The following CLN6 variants were observed in gnomAD, a reference collection of about 807,000 sequenced individuals.
CLN6 encodes the protein ceroid-lipofuscinosis neuronal protein 6.
CLN6 carries 22 observed loss-of-function variants against 33.3 expected under a neutral mutation model. The observed-to-expected ratio is 0.66, with a 90% CI of 0.47 to 0.94. The LOEUF is 0.94. CLN6 is among the 40% of genes least tolerant of loss of function. The pLI is 0.00. For synonymous variants in CLN6, 201 were observed against 174.6 expected, an observed-to-expected ratio of 1.15 and a Z score of -1.19; for missense variants, 387 against 417.1, an observed-to-expected ratio of 0.93 and a Z score of 0.63.
upstream of CLN6, among the ~76,000 whole-genome samples, chr15:68,231,507 A>T (rs2093268599): frequency 6.6e-6 from 1 of 152,228 alleles, no homozygotes; most frequent in African/African-American, 2.4e-5. Context: ...ACCAGAGAAG[A>T]AGGATTGAGG....
At position 68,247,147 on chromosome 15, in the gene CLN6, G is replaced by A. The variant is rs1431198028; in HGVS notation, c.179+9543C>T. Among the ~76,000 whole-genome samples, 3 of 152,026 alleles carry A rather than the reference G, an allele frequency of 2.0e-5. No homozygotes were observed. The highest frequency in any genetic ancestry group is 2.9e-5 in the Non-Finnish European group (2 of 68,020). Reference sequence around the variant, plus strand: ...CTCCACTTTTATTCAACATAGTATTGGAAGTCCTGTCCATAGCAATTAGGC... The same window carrying A: ...CTCCACTTTTATTCAACATAGTATTAGAAGTCCTGTCCATAGCAATTAGGC... On this transcript the variant is annotated intron_variant, in intron 1 of 6. Coordinates refer to the CLN6 transcript ENST00000538696. The surrounding 1 kb of genome is among the most constrained non-coding windows in gnomAD (Gnocchi z 4.2).
chr15:68,239,894 T>C lies in CLN6; in HGVS notation c.179+16796A>G, dbSNP rs565947844. Among the ~76,000 whole-genome samples the C allele has an allele frequency of 3.3e-5, 5 of 152,350 alleles. No individual in the cohort carries two copies. The East Asian group carries it at 9.6e-4, about 29-fold the overall frequency. ...AAGAATCTGATTTACATAAACCACATTTTATAATCCACAATCATAGATTTA... is the reference window on the plus strand; with the variant it reads ...AAGAATCTGATTTACATAAACCACACTTTATAATCCACAATCATAGATTTA... On this transcript the variant is annotated intron_variant, in intron 1 of 6. Coordinates refer to the CLN6 transcript ENST00000538696.
chr15:68,220,142 A>T lies in CLN6; in HGVS notation c.84-1492T>A, dbSNP rs1426256272. Among the ~76,000 whole-genome samples the T allele has an allele frequency of 6.6e-6, 1 of 152,090 alleles. No individual in the cohort carries two copies. Among genetic ancestry groups the T allele is most frequent in the Admixed American group, 6.5e-5 (1 of 15,268 alleles). On this transcript the variant is annotated intron_variant, in intron 1 of 6. Transcript: ENST00000249806. The surrounding 1 kb of genome is among the most constrained non-coding windows in gnomAD (Gnocchi z 4.2). ...GAGGCAAGCTCTTGGGAGAAATCTC[A>T]TTTTCTAGTGGCAGGCAAGACAGGT...
chr15:68,229,485 C>T lies in CLN6; in HGVS notation c.83+17G>A. 6.8e-7 allele frequency: 1 copy of T among 1,460,308 alleles called. No homozygotes were observed. Among genetic ancestry groups the T allele is most frequent in the Non-Finnish European group, 9.0e-7 (1 of 1,110,308 alleles). The allele number at this position is 1,460,308 out of a possible 1,614,324, so 90.5% of individuals were successfully genotyped here. ...CACAGGCGCCTAGCCCGCCCTCTCA[C>T]CCCGGCGCGCGCCCACCTGGCCTGC... On this transcript the variant is annotated intron_variant, in intron 1 of 6. Coordinates refer to ENST00000249806, the MANE Select transcript of CLN6 (RefSeq NM_017882.3).
intron 1 of CLN6, among the ~76,000 whole-genome samples, chr15:68,239,489 T>A (rs1360523249): frequency 6.6e-6 from 1 of 152,120 alleles, no homozygotes; most frequent in Non-Finnish European, 1.5e-5. Flanking sequence ...ATATTGTCAT[T>A]TGACAAAATA....
exon 1 of CLN6, chr15:68,257,059 G>A: frequency 2.2e-6 from 1 of 453,868 alleles, no homozygotes; most frequent in Non-Finnish European, 3.9e-6. Flanking sequence ...GGTGCCATGC[G>A]GTTGGGCCGC....
rs1387523698 is a variant in CLN6 at position 68,247,121 on chromosome 15, C to T, written c.179+9569G>A. ...CTCTGGAACAAAACAAGGATGCCCACCTCCACTTTTATTCAACATAGTATT... is the reference window on the plus strand; with the variant it reads ...CTCTGGAACAAAACAAGGATGCCCATCTCCACTTTTATTCAACATAGTATT... On this transcript the variant is annotated intron_variant, in intron 1 of 6. Transcript: ENST00000538696. This position sits in a 1 kb window ranked among gnomAD's most constrained non-coding sequence, Gnocchi z 4.2. 6.6e-6 allele frequency among the ~76,000 whole-genome samples: 1 copy of T among 152,024 alleles called. No homozygotes were observed. Among genetic ancestry groups the T allele is most frequent in the Non-Finnish European group, 1.5e-5 (1 of 68,024 alleles).
Position 68,218,542 on chromosome 15 carries a change from A to G in CLN6, c.192T>C (p.Ile64=). 6.2e-7 allele frequency: 1 copy of G among 1,611,740 alleles called. No homozygotes were observed. Among genetic ancestry groups the G allele is most frequent in the Non-Finnish European group, 8.5e-7 (1 of 1,177,914 alleles). ...TGCACCATTTCACACTCACCATGGC[A>G]ATGGGACGCCCAAAGTCCAGAACCC... ...QNWVLDFGRP[I]AMLVFPLEWF... Residue 64 remains isoleucine, a synonymous_variant, in exon 2 of 7, where the codon ATT becomes ATC. Transcript: ENST00000249806.
In CLN6 at chr15:68,209,738, G is replaced by T. The variant is rs371326037; in HGVS notation, c.564C>A (p.Ile188=). ...AGCAGCCGCTGAAGTACATGAAGAGGATGAGGAAGAAGGGGATGTACCTGT... is the reference window on the plus strand; with the variant it reads ...AGCAGCCGCTGAAGTACATGAAGAGTATGAGGAAGAAGGGGATGTACCTGT... ...HCMWYIPFFL[I]LFMYFSGCFT... The change falls in exon 6 of 7, where the codon ATC becomes ATA. Residue 188 remains isoleucine (I), a synonymous_variant. Coordinates refer to ENST00000249806, the MANE Select transcript of CLN6 (RefSeq NM_017882.3). The surrounding 1 kb of genome is among the most constrained non-coding windows in gnomAD (Gnocchi z 4.9). 6.5e-5 allele frequency: 105 copies of T among 1,613,584 alleles called. No homozygotes were observed. Among genetic ancestry groups the T allele is most frequent in the Non-Finnish European group, 8.6e-5 (101 of 1,179,942 alleles).
At position 68,211,328 on chromosome 15, in the gene CLN6, G is replaced by A. The variant is rs778284215; in HGVS notation, c.487-10C>T. On this transcript the variant is annotated splice_polypyrimidine_tract_variant and intron_variant, in intron 4 of 6. Transcript: ENST00000249806. The surrounding 1 kb of genome is among the most constrained non-coding windows in gnomAD (Gnocchi z 5.9). ...GCTCAAAGGAGTCGATCTGAGGGAG[G>A]AACGGGCAGGGCAGAGTCGGGGGAT... is the stretch of plus-strand genomic sequence containing the variant. 6.2e-7 allele frequency: 1 copy of A among 1,613,888 alleles called. No individual in the cohort carries two copies. The highest frequency in any genetic ancestry group is 8.5e-7 in the Non-Finnish European group (1 of 1,179,968).
At chr15:68,255,820 G>T (rs1392413209) in intron 1 of CLN6, among the ~76,000 whole-genome samples, 1 of 152,102 alleles carries the variant, frequency 6.6e-6, no homozygotes, top group Non-Finnish European at 1.5e-5. Context: ...TGGAGTCAGG[G>T]TCTCCCTCTG....
chr15:68,208,094 G>GGGGCCCCCCCCCCCCCCCC lies in CLN6; in HGVS notation c.*45_*46insGGGGGGGGGGGGGGGGCCC. 1 of 1,375,276 alleles carries GGGGCCCCCCCCCCCCCCCC rather than the reference G, an allele frequency of 7.3e-7. No individual in the cohort carries two copies. The highest frequency in any genetic ancestry group is 1.0e-6 in the Non-Finnish European group (1 of 992,022). 85.2% of individuals were successfully genotyped at this position (1,375,276 alleles called of 1,614,324 possible). A position where few individuals can be genotyped will look rare whatever the true frequency, so the allele number is the denominator to read the frequency against. On this transcript the variant is annotated 3_prime_UTR_variant, in exon 7 of 7. Coordinates refer to ENST00000249806, the MANE Select transcript of CLN6 (RefSeq NM_017882.3). This position sits in a 1 kb window ranked among gnomAD's most constrained non-coding sequence, Gnocchi z 5.8. ...CTCCTGTATTCAGATGCCCTCCATG[G>GGGGCCCCCCCCCCCCCCCC]CCCACCCTCCCACCCAGCAGAGCGC...
intron 1 of CLN6, among the ~76,000 whole-genome samples, chr15:68,223,617 G>A (rs578067124): frequency 2.2e-4 from 33 of 152,240 alleles, no homozygotes; most frequent in African/African-American, 6.7e-4. Flanking sequence ...ACTTAGATGT[G>A]TGTATCTGGA....
At chr15:68,255,307 AC>A (rs34086056) in intron 1 of CLN6, among the ~76,000 whole-genome samples, 123,906 of 151,816 alleles carry the variant, frequency 0.82, 53,919 homozygotes, top group Non-Finnish European at 0.95. Flanking sequence ...GTTGGACCTG[AC>A]CCCCCCCAAT....
At position 68,236,284 on chromosome 15, in the gene CLN6, G is replaced by C. The variant is rs1445520390; in HGVS notation, c.180-17634C>G. The stretch of plus-strand genomic sequence containing the variant: ...TAGGACCAAGAGCTCTGAAAAAAAA[G>C]TCCACAGAAAAACTTACAGATGAAT... On this transcript the variant is annotated intron_variant, in intron 1 of 6. Transcript: ENST00000538696. The surrounding 1 kb of genome is among the most constrained non-coding windows in gnomAD (Gnocchi z 4.5). Among the ~76,000 whole-genome samples the C allele has an allele frequency of 1.3e-5, 2 of 152,100 alleles. No homozygotes were observed. Among genetic ancestry groups the C allele is most frequent in the African/African-American group, 4.8e-5 (2 of 41,390 alleles).
intron 1 of CLN6, among the ~76,000 whole-genome samples, chr15:68,229,222 G>C (rs1340911326): frequency 6.6e-6 from 1 of 152,216 alleles, no homozygotes; most frequent in African/African-American, 2.4e-5. Context: ...CGCGGGAAGG[G>C]AGGAAAACCC....
rs1459430180 is a variant in CLN6, at chr15:68,246,132, C to A, written c.179+10558G>T. On this transcript the variant is annotated intron_variant, in intron 1 of 6. Transcript: ENST00000538696. The surrounding 1 kb of genome is among the most constrained non-coding windows in gnomAD (Gnocchi z 4.5). ...TACAATACAGTAGGGGACTTCAACACCCCACTTTTCAGTAATAAACAGATC... is the reference window on the plus strand; with the variant it reads ...TACAATACAGTAGGGGACTTCAACAACCCACTTTTCAGTAATAAACAGATC... 1.3e-5 allele frequency among the ~76,000 whole-genome samples: 2 copies of A among 152,210 alleles called. No individual in the cohort carries two copies. Among genetic ancestry groups the A allele is most frequent in the Non-Finnish European group, 2.9e-5 (2 of 67,998 alleles).
rs146864762 is a variant in CLN6, at chr15:68,247,792, G to C, written c.179+8898C>G. ...GCCTGTAATCTGAGCACTTTGGGAGGCTGAGCTGGGTGGGTCACCTGAGGT... is the reference window on the plus strand; with the variant it reads ...GCCTGTAATCTGAGCACTTTGGGAGCCTGAGCTGGGTGGGTCACCTGAGGT... On this transcript the variant is annotated intron_variant, in intron 1 of 6. Transcript: ENST00000538696. This position sits in a 1 kb window ranked among gnomAD's most constrained non-coding sequence, Gnocchi z 4.2. 4.8e-3 allele frequency among the ~76,000 whole-genome samples: 730 copies of C among 152,246 alleles called. 6 individuals carry two copies. Among genetic ancestry groups the C allele is most frequent in the African/African-American group, 0.017 (685 of 41,502 alleles).
chr15:68,229,348 G>A (rs1400623866), intron 1 of CLN6, among the ~76,000 whole-genome samples, 154 bp downstream of exon 1: 2 of 152,196 alleles, frequency 1.3e-5, no homozygotes, highest in Non-Finnish European at 2.9e-5. Flanking sequence ...CGCCGCCACG[G>A]TAGCGCGCCT....
Sources: gnomAD v4.1 joint callset for allele counts (sites outside exome capture counted in the v4.1 genomes callset) on GRCh38, gnomAD v4.1.1 for gene constraint, Gnocchi (gnomAD v3.1) non-coding constraint, MANE v1.5 for transcripts, NCBI Gene and HGNC (gene_info 2026-07-23, HGNC 2026-07-21) for gene names.